Variants in TALDO1 observed in about 807,000 individuals in gnomAD.
TALDO1 encodes the protein transaldolase.
In TALDO1, 29 loss-of-function variants were observed where a neutral mutation model predicts 38.1. The ratio of observed to expected loss-of-function variants is 0.76; its 90% CI spans 0.57 to 1.04. The LOEUF is 1.04. TALDO1 is among the 50% of genes least tolerant of loss of function. The pLI, the probability that TALDO1 is intolerant of heterozygous loss-of-function variation, is 0.00. For missense variants in TALDO1, 499 were observed against 438.1 expected, an observed-to-expected ratio of 1.14 and a Z score of -1.24; for synonymous variants, 207 against 176.8, an observed-to-expected ratio of 1.17 and a Z score of -1.36.
intron 2 of TALDO1, among the ~76,000 whole-genome samples, chr11:758,145 A>C (rs1269402356): frequency 6.6e-6 from 1 of 152,204 alleles, no homozygotes; most frequent in Non-Finnish European, 1.5e-5. Flanking sequence ...TTAGCCGGGC[A>C]CAGTGGCGGG....
chr11:764,265 G>A, intron 6 of TALDO1, 23 bp from the exon 7 acceptor site: 1 of 1,614,096 alleles, frequency 6.2e-7, no homozygotes, highest in Non-Finnish European at 8.5e-7. Flanking sequence ...AGCAGGCATG[G>A]AAGGCTGGTT....
chr11:754,078 G>A (rs1291637814), intron 1 of TALDO1, among the ~76,000 whole-genome samples: 8 of 152,016 alleles, frequency 5.3e-5, no homozygotes, highest in Non-Finnish European at 8.8e-5. Flanking sequence ...TCCACCTCCC[G>A]GGTCCAAGTG....
intron 4 of TALDO1, among the ~76,000 whole-genome samples, chr11:762,870 C>G (rs528979231): frequency 3.8e-4 from 58 of 152,332 alleles, no homozygotes; most frequent in African/African-American, 1.3e-3. Flanking sequence ...TAGGGTGGAA[C>G]AGGGTGAGGA....
intron 1 of TALDO1, among the ~76,000 whole-genome samples, chr11:749,130 C>T (rs1010802090): frequency 6.6e-6 from 1 of 152,090 alleles, no homozygotes; most frequent in African/African-American, 2.4e-5. Flanking sequence ...TCTGGCCCAG[C>T]GAGGTGGCTC....
intron 2 of TALDO1, among the ~76,000 whole-genome samples, chr11:758,647 C>T (rs1862882547): frequency 6.6e-6 from 1 of 151,498 alleles, no homozygotes; most frequent in Non-Finnish European, 1.5e-5. Flanking sequence ...CTCTGTCGCT[C>T]AGGCTGGAGT....
Position 759,031 on chromosome 11 carries a change from C to A in TALDO1, c.303C>A (p.Gly101=), listed in dbSNP as rs770594711. 15 of 1,612,798 alleles carry A rather than the reference C, an allele frequency of 9.3e-6. No homozygotes were observed. The highest frequency in any genetic ancestry group is 2.5e-6 in the Non-Finnish European group (3 of 1,179,126). The change falls in exon 3 of 8, where the codon GGC becomes GGA. Residue 101 remains glycine, a synonymous_variant. Transcript: ENST00000319006. The part of the protein sequence containing the change: ...FGAEILKKIP[G]RVSTEVDARL... ...CAGAAATACTAAAGAAGATTCCGGG[C>A]CGAGTATCCACAGAAGTAGACGCAA... is the stretch of plus-strand genomic sequence containing the variant.
intron 3 of TALDO1, among the ~76,000 whole-genome samples, chr11:759,294 C>T (rs1382981748): frequency 6.6e-6 from 1 of 152,146 alleles, no homozygotes; most frequent in Non-Finnish European, 1.5e-5. Context: ...TGGAGTCTCG[C>T]ACTGTCACCC....
In TALDO1 at chr11:747,478, T is replaced by G; in HGVS notation, c.-4T>G. ...GCCGCCGCCGCAGACCCCTCGGTCT[T>G]GCTATGTCGAGCTCACCCGTGAAGC... is the stretch of plus-strand genomic sequence containing the variant. On this transcript the variant is annotated 5_prime_UTR_variant, in exon 1 of 8. Transcript: ENST00000319006. 6.3e-7 allele frequency: 1 copy of G among 1,590,114 alleles called. No individual in the cohort carries two copies. The highest frequency in any genetic ancestry group is 8.5e-7 in the Non-Finnish European group (1 of 1,170,686).
chr11:759,611 C>T (rs530931009), intron 3 of TALDO1, among the ~76,000 whole-genome samples: 36 of 151,968 alleles, frequency 2.4e-4, no homozygotes, highest in African/African-American at 8.2e-4. Context: ...GACAGAGTCT[C>T]GCTCTGTTGC....
chr11:757,289 A>AATTTTTTTTTTTTT (rs760488488), intron 2 of TALDO1, among the ~76,000 whole-genome samples: 1 of 135,596 alleles, frequency 7.4e-6, no homozygotes, highest in Non-Finnish European at 1.6e-5. Context: ...ATGGCCCCAA[A>AATTTTTTTTTTTTT]TTTTTTTTTT....
At chr11:755,008 T>C (rs1435038549) in intron 1 of TALDO1, among the ~76,000 whole-genome samples, 1 of 152,168 alleles carries the variant, frequency 6.6e-6, no homozygotes, top group Non-Finnish European at 1.5e-5. Flanking sequence ...AGTCTTAAAG[T>C]TGCAGCAGTG....
At chr11:756,291 C>T (rs1381824410) in intron 2 of TALDO1, 2 of 448,604 alleles carry the variant, frequency 4.5e-6, no homozygotes, top group Admixed American at 3.6e-5. Context: ...TCCTCCCCTC[C>T]TGTAGTCAGT....
chr11:752,092 G>T (rs1052243181), intron 1 of TALDO1, among the ~76,000 whole-genome samples: 47 of 151,312 alleles, frequency 3.1e-4, no homozygotes, highest in Non-Finnish European at 4.9e-4. Context: ...TTTTTTGGAG[G>T]CGGAGTCTCG....
intron 1 of TALDO1, among the ~76,000 whole-genome samples, chr11:753,532 AAAAAAT>A (rs1013771364): frequency 6.6e-6 from 1 of 151,472 alleles, no homozygotes; most frequent in African/African-American, 2.4e-5. Context: ...CTCCGTCTCA[AAAAAAT>A]AAAAATACAA....
chr11:759,805 C>T (rs980513040), intron 3 of TALDO1, among the ~76,000 whole-genome samples: 2 of 152,196 alleles, frequency 1.3e-5, no homozygotes, highest in African/African-American at 4.8e-5. Flanking sequence ...TGGTCTCGAT[C>T]CCTTGACCTT....
intron 2 of TALDO1, among the ~76,000 whole-genome samples, chr11:758,173 A>G (rs1488063644): frequency 1.3e-5 from 2 of 152,136 alleles, no homozygotes; most frequent in African/African-American, 4.8e-5. Flanking sequence ...AGTCCCAGCT[A>G]CTCAGGAGGT....
At chr11:747,816 C>T (rs1044689746) in intron 1 of TALDO1, among the ~76,000 whole-genome samples, 6 of 152,056 alleles carry the variant, frequency 3.9e-5, no homozygotes, top group African/African-American at 1.4e-4. Flanking sequence ...GGGAACGGGG[C>T]CCGGGTCGGC....
In TALDO1 at chr11:747,550, C is replaced by T. The variant is rs947589555; in HGVS notation, c.69C>T (p.Thr23=). 5.0e-6 allele frequency: 8 copies of T among 1,593,636 alleles called. No homozygotes were observed. Among genetic ancestry groups the T allele is most frequent in the Non-Finnish European group, 8.5e-7 (1 of 1,172,306 alleles). ...SALDQLKQFT[T]VVADTGDFHA... is the part of the protein sequence containing the mutation. ...TGGACCAGCTCAAGCAGTTCACCAC[C>T]GTGGTGGCCGACACGGGCGACTTCC... The change falls in exon 1 of 8, where the codon ACC becomes ACT. Residue 23 remains threonine, a synonymous_variant. Transcript: ENST00000319006.
chr11:758,888 A>G (rs1263514360), intron 2 of TALDO1, 62 bp from the exon 3 acceptor site: 8 of 1,398,198 alleles, frequency 5.7e-6, no homozygotes, highest in Middle Eastern at 1.8e-4. Context: ...TACAGGCGTG[A>G]GCCACCGCAC....
Sources: allele counts gnomAD v4.1 joint callset (sites outside exome capture counted in the v4.1 genomes callset), GRCh38; gene constraint gnomAD v4.1.1; transcripts MANE v1.5; gene names NCBI Gene and HGNC (gene_info 2026-07-23, HGNC 2026-07-21).